PCDH15: variants seen among roughly 807,000 people sequenced by gnomAD.
PCDH15 encodes the protein protocadherin related 15, also known as protocadherin-15.
Under a neutral mutation model 178.5 loss-of-function variants are expected in PCDH15, and 129 were observed. The observed-to-expected ratio is 0.72, with a 90% CI of 0.63 to 0.84. The LOEUF (loss-of-function observed/expected upper bound fraction) is 0.84. Ranked by LOEUF, PCDH15 falls within the 40% of genes least tolerant of loss-of-function variation. The probability of loss-of-function intolerance (pLI) is 0.00; values close to 1 mark genes in which losing one functional copy is unlikely to be tolerated. For missense variants in PCDH15, 2,230 were observed against 2,099.9 expected, an observed-to-expected ratio of 1.06 and a Z score of -1.21; for synonymous variants, 800 against 732.0, an observed-to-expected ratio of 1.09 and a Z score of -1.50.
rs1054578224 is a variant in PCDH15 at position 54,032,286 on chromosome 10, T to C, written c.2221-9089A>G. Among the ~76,000 whole-genome samples the C allele has an allele frequency of 3.9e-5, 6 of 152,022 alleles. No individual in the cohort carries two copies. In the South Asian group the frequency reaches 1.2e-3, roughly 31 times the overall value. ...ATCTGAGTAAGCTAAATGCCTCATCTTCATGCTCCTGAAGCTCATTGTATG... is the reference window on the plus strand; with the variant it reads ...ATCTGAGTAAGCTAAATGCCTCATCCTCATGCTCCTGAAGCTCATTGTATG... On this transcript the variant is annotated intron_variant, in intron 18 of 37. Coordinates refer to ENST00000644397, the MANE Select transcript of PCDH15 (RefSeq NM_001384140.1).
chr10:54,261,398 T>C (rs2057306767), intron 8 of PCDH15, among the ~76,000 whole-genome samples: 1 of 151,852 alleles, frequency 6.6e-6, no homozygotes, highest in African/African-American at 2.4e-5. Context: ...ATAATAATAC[T>C]TCAAATAGAT....
intron 2 of PCDH15, among the ~76,000 whole-genome samples, chr10:55,091,439 T>C (rs1161022502): frequency 2.0e-5 from 3 of 149,854 alleles, no homozygotes; most frequent in Non-Finnish European, 3.0e-5. Context: ...TTTTAAAAAA[T>C]GCTAATGCTA....
chr10:53,990,933 C>G (rs571570959), intron 21 of PCDH15, among the ~76,000 whole-genome samples: 1 of 152,238 alleles, frequency 6.6e-6, no homozygotes, highest in African/African-American at 2.4e-5. Flanking sequence ...CGGCCCTGGG[C>G]AGTGAGGGGT....
At chr10:55,071,563 T>C (rs1841747567) in intron 2 of PCDH15, among the ~76,000 whole-genome samples, 1 of 152,150 alleles carries the variant, frequency 6.6e-6, no homozygotes, top group African/African-American at 2.4e-5. Context: ...TAAATATATA[T>C]GCACCCAATA....
chr10:54,319,878 A>G (rs1203189004), intron 7 of PCDH15, among the ~76,000 whole-genome samples: 1 of 152,040 alleles, frequency 6.6e-6, no homozygotes, highest in African/African-American at 2.4e-5. Context: ...TTGTAAAGCA[A>G]TGCTTGAGGG....
At chr10:54,860,145 T>A (rs1953813890) in intron 3 of PCDH15, among the ~76,000 whole-genome samples, 1 of 152,184 alleles carries the variant, frequency 6.6e-6, no homozygotes, top group South Asian at 2.1e-4. Context: ...CTGAGTTTTT[T>A]AAAAATGCAA....
In PCDH15 at chr10:54,356,918, T is replaced by C. The variant is rs562160587; in HGVS notation, c.475-10434A>G. On this transcript the variant is annotated intron_variant, in intron 5 of 37. Coordinates refer to ENST00000644397, the MANE Select transcript of PCDH15 (RefSeq NM_001384140.1). ...GAACCAAAGACAAACACCACATGAT[T>C]ATCTCAATAGATGCAGAAAAGGCCT... is the stretch of plus-strand genomic sequence containing the variant. Among the ~76,000 whole-genome samples the C allele has an allele frequency of 2.0e-5, 3 of 152,266 alleles. No homozygotes were observed. The South Asian group carries it at 6.2e-4, about 32-fold the overall frequency.
intron 2 of PCDH15, among the ~76,000 whole-genome samples, chr10:55,399,377 C>T (rs1246754408): frequency 6.6e-6 from 1 of 152,078 alleles, no homozygotes; most frequent in African/African-American, 2.4e-5. Flanking sequence ...ACTATAAAAG[C>T]TCAGAAGACC....
chr10:54,658,914 A>G (rs1458652173), intron 2 of PCDH15, among the ~76,000 whole-genome samples: 1 of 152,178 alleles, frequency 6.6e-6, no homozygotes, highest in Non-Finnish European at 1.5e-5. Context: ...GTGTAATGAT[A>G]TCCACAGCCC....
intron 1 of PCDH15, among the ~76,000 whole-genome samples, chr10:54,703,431 G>T (rs2095333730): frequency 6.6e-6 from 1 of 152,082 alleles, no homozygotes; most frequent in African/African-American, 2.4e-5. Context: ...AAGAGAGGAA[G>T]TCAAACTGTC....
intron 2 of PCDH15, among the ~76,000 whole-genome samples, chr10:54,959,121 A>G (rs1838574565): frequency 6.6e-6 from 1 of 151,832 alleles, no homozygotes; most frequent in Non-Finnish European, 1.5e-5. Flanking sequence ...TAAAGACATG[A>G]GAAGGCAGGA....
intron 32 of PCDH15, 31 bp downstream of exon 32, chr10:53,827,362 A>G: frequency 1.3e-6 from 2 of 1,580,196 alleles, no homozygotes; most frequent in Non-Finnish European, 1.7e-6. Flanking sequence ...AAACCCAACT[A>G]CTTCTCAGAG....
chr10:54,818,479 A>G (rs1265829692), intron 3 of PCDH15, among the ~76,000 whole-genome samples: 1 of 152,036 alleles, frequency 6.6e-6, no homozygotes, highest in Non-Finnish European at 1.5e-5. Flanking sequence ...CTGAATCCAG[A>G]GGAAGTGACT....
intron 3 of PCDH15, among the ~76,000 whole-genome samples, chr10:54,446,762 C>T (rs1230403070): frequency 2.0e-5 from 3 of 151,434 alleles, no homozygotes; most frequent in Middle Eastern, 3.4e-3. Context: ...TTAAAAAAGT[C>T]GGATTAGGCT....
At chr10:53,888,311 T>TATATAC (rs2081273173) in intron 26 of PCDH15, among the ~76,000 whole-genome samples, 1 of 41,826 alleles carries the variant, frequency 2.4e-5, no homozygotes, top group African/African-American at 9.8e-5. Context: ...TATATATATG[T>TATATAC]ATATATGTAC....
At chr10:54,881,768 T>C (rs141104065) in intron 3 of PCDH15, among the ~76,000 whole-genome samples, 1 of 152,276 alleles carries the variant, frequency 6.6e-6, no homozygotes. Context: ...ATTGAAATCA[T>C]AGTCAATAGA....
At chr10:54,276,554 T>C (rs2058360159) in intron 8 of PCDH15, among the ~76,000 whole-genome samples, 1 of 151,682 alleles carries the variant, frequency 6.6e-6, no homozygotes, top group South Asian at 2.1e-4. Context: ...ACTGACAGCA[T>C]GTGAGATAGT....
intron 13 of PCDH15, among the ~76,000 whole-genome samples, chr10:54,161,259 A>G (rs1038461125): frequency 6.6e-6 from 1 of 152,200 alleles, no homozygotes; most frequent in African/African-American, 2.4e-5. Context: ...GATGAGCTAC[A>G]TAAACATTAT....
intron 1 of PCDH15, among the ~76,000 whole-genome samples, chr10:54,724,604 A>AT (rs1338467104): frequency 6.6e-6 from 1 of 151,480 alleles, no homozygotes; most frequent in African/African-American, 2.4e-5. Flanking sequence ...TTATATGTTA[A>AT]TTTTGTATGG....
Sources: allele counts gnomAD v4.1 joint callset (sites outside exome capture counted in the v4.1 genomes callset), GRCh38; gene constraint gnomAD v4.1.1; transcripts MANE v1.5; gene names NCBI Gene and HGNC (gene_info 2026-07-23, HGNC 2026-07-21).